The following CARMIL1 variants were observed in gnomAD, a reference collection of about 807,000 sequenced individuals.
CARMIL1 encodes F-actin-uncapping protein LRRC16A.
CARMIL1 carries 90 observed loss-of-function variants against 177.1 expected under a neutral mutation model. The observed-to-expected ratio is 0.51, with a 90% CI of 0.43 to 0.61. CARMIL1 has a LOEUF of 0.61. Among genes scored for constraint, CARMIL1 ranks in the 20% least tolerant of loss-of-function variants. The probability of loss-of-function intolerance (pLI) is 0.00; values close to 1 mark genes in which losing one functional copy is unlikely to be tolerated. For missense variants in CARMIL1, 1,380 were observed against 1,667.0 expected (o/e 0.83, Z 3.00); for synonymous variants, 577 against 606.2 (o/e 0.95, Z 0.71).
At chr6:25,361,181 C>T (rs1789156998) in intron 2 of CARMIL1, among the ~76,000 whole-genome samples, 1 of 152,040 alleles carries the variant, frequency 6.6e-6, no homozygotes. Flanking sequence ...TTTAAGAATA[C>T]TTTTTCTTAT....
intron 2 of CARMIL1, among the ~76,000 whole-genome samples, chr6:25,354,330 ATTTTTTTTTTTTTTT>A (rs67395838): frequency 1.2e-5 from 1 of 80,562 alleles, no homozygotes; most frequent in African/African-American, 4.8e-5. Flanking sequence ...GACTAATTAA[ATTTTTTTTTTTTTTT>A]TTTTTTTTTT....
At chr6:25,484,469 T>G (rs1350592198) in intron 12 of CARMIL1, among the ~76,000 whole-genome samples, 1 of 152,250 alleles carries the variant, frequency 6.6e-6, no homozygotes, top group African/African-American at 2.4e-5. Context: ...GAAAATAAAT[T>G]ACCAAAGGGA....
At chr6:25,350,113 T>A (rs1273691916) in intron 2 of CARMIL1, among the ~76,000 whole-genome samples, 10 of 152,186 alleles carry the variant, frequency 6.6e-5, no homozygotes, top group Admixed American at 5.2e-4. Flanking sequence ...CTGGCCTTTG[T>A]CTGCTCCTCT....
At chr6:25,484,070 C>T (rs1012339183) in intron 12 of CARMIL1, among the ~76,000 whole-genome samples, 11 of 152,258 alleles carry the variant, frequency 7.2e-5, no homozygotes, top group African/African-American at 2.2e-4. Context: ...TTCTATCTCA[C>T]TTTCTCTTTG....
chr6:25,507,010 G>A (rs1170328758), intron 17 of CARMIL1, among the ~76,000 whole-genome samples: 2 of 152,100 alleles, frequency 1.3e-5, no homozygotes, highest in South Asian at 2.1e-4. Flanking sequence ...TCTCTTGAAA[G>A]AAAGACGATT....
chr6:25,575,805 C>G (rs1562301080), intron 29 of CARMIL1, among the ~76,000 whole-genome samples: 1 of 152,056 alleles, frequency 6.6e-6, no homozygotes, highest in Non-Finnish European at 1.5e-5. Context: ...ATACTGGTGC[C>G]AATGATGGTG....
At chr6:25,549,877 A>T (rs1201768667) in intron 26 of CARMIL1, among the ~76,000 whole-genome samples, 1 of 152,220 alleles carries the variant, frequency 6.6e-6, no homozygotes, top group Non-Finnish European at 1.5e-5. Flanking sequence ...TGAGCTTTTA[A>T]TATCTGTGAT....
intron 2 of CARMIL1, among the ~76,000 whole-genome samples, chr6:25,350,994 A>T (rs1460283749): frequency 3.3e-5 from 5 of 152,346 alleles, no homozygotes; most frequent in African/African-American, 9.6e-5. Flanking sequence ...GTGTGTAAGC[A>T]TAGAAACGAG....
chr6:25,511,118 A>G (rs138830589), intron 20 of CARMIL1, among the ~76,000 whole-genome samples: 26 of 152,278 alleles, frequency 1.7e-4, no homozygotes, highest in African/African-American at 5.8e-4. Flanking sequence ...TTATGACCTT[A>G]TATAATGCTG....
At chr6:25,444,241 A>G (rs1274702667) in intron 5 of CARMIL1, among the ~76,000 whole-genome samples, 2 of 152,140 alleles carry the variant, frequency 1.3e-5, no homozygotes, top group Non-Finnish European at 2.9e-5. Flanking sequence ...AATTGGAGTC[A>G]ATTGTCTTCA....
chr6:25,451,619 C>T (rs934961442), intron 8 of CARMIL1, among the ~76,000 whole-genome samples: 9 of 152,222 alleles, frequency 5.9e-5, no homozygotes, highest in African/African-American at 1.7e-4. Flanking sequence ...CCCCATGTCT[C>T]TTAGCACAGC....
intron 23 of CARMIL1, among the ~76,000 whole-genome samples, chr6:25,526,702 G>A (rs531379639): frequency 6.6e-6 from 1 of 152,052 alleles, no homozygotes; most frequent in South Asian, 2.1e-4. Flanking sequence ...ACAGGAGTGA[G>A]CCATAATGCC....
intron 5 of CARMIL1, among the ~76,000 whole-genome samples, chr6:25,446,900 G>A (rs1798286968): frequency 6.6e-6 from 1 of 152,180 alleles, no homozygotes; most frequent in South Asian, 2.1e-4. Context: ...GAGAGACAGA[G>A]AGGAATGGTT....
chr6:25,462,974 A>G (rs1294778516), intron 8 of CARMIL1, among the ~76,000 whole-genome samples: 1 of 152,160 alleles, frequency 6.6e-6, no homozygotes, highest in East Asian at 1.9e-4. Context: ...TTTTTTTAAC[A>G]TAAGAAGCCT....
In CARMIL1 at chr6:25,413,275, G is replaced by A. The variant is rs6899863; in HGVS notation, c.139-6839G>A. Among the ~76,000 whole-genome samples, 1,416 of 152,290 alleles carry A rather than the reference G, an allele frequency of 9.3e-3. 19 individuals carry two copies. The highest frequency in any genetic ancestry group is 0.03 in the African/African-American group (1,229 of 41,548). ...ATTTAGTTTGCTTGCAAATTAGAGA[G>A]TGCTTCAAGGGTGTAAGACCATTTG... is the stretch of plus-strand genomic sequence containing the variant. On this transcript the variant is annotated intron_variant, in intron 2 of 36. Transcript: ENST00000329474.
chr6:25,290,563 T>C (rs1014334636), intron 2 of CARMIL1, among the ~76,000 whole-genome samples: 3 of 151,910 alleles, frequency 2.0e-5, no homozygotes, highest in African/African-American at 7.3e-5. Flanking sequence ...CCACTTTGGT[T>C]TCTTCTGTTT....
At chr6:25,312,085 A>G (rs534889613) in intron 2 of CARMIL1, among the ~76,000 whole-genome samples, 3 of 152,346 alleles carry the variant, frequency 2.0e-5, no homozygotes, top group South Asian at 4.1e-4. Flanking sequence ...GATTATATAC[A>G]TTCTAAATTA....
In CARMIL1 at chr6:25,370,765, A is replaced by G. The variant is rs144471862; in HGVS notation, c.139-49349A>G. 4.9e-3 allele frequency among the ~76,000 whole-genome samples: 742 copies of G among 152,198 alleles called. 6 individuals carry two copies. The highest frequency in any genetic ancestry group is 0.017 in the African/African-American group (701 of 41,532). On this transcript the variant is annotated intron_variant, in intron 2 of 36. Coordinates refer to ENST00000329474, the MANE Select transcript of CARMIL1 (RefSeq NM_017640.6). ...CATATTTTTTTTTTAGTTGATATATATATATGTAAAATTTCAATAGCTTTT... is the reference window on the plus strand; with the variant it reads ...CATATTTTTTTTTTAGTTGATATATGTATATGTAAAATTTCAATAGCTTTT...
intron 24 of CARMIL1, among the ~76,000 whole-genome samples, chr6:25,532,650 G>A (rs1807887387): frequency 6.6e-6 from 1 of 152,190 alleles, no homozygotes; most frequent in South Asian, 2.1e-4. Context: ...ATTAAAGAAT[G>A]TTTTAATGAA....
Sources: gnomAD v4.1 joint callset for allele counts (sites outside exome capture counted in the v4.1 genomes callset) on GRCh38, gnomAD v4.1.1 for gene constraint, MANE v1.5 for transcripts, NCBI Gene and HGNC (gene_info 2026-07-23, HGNC 2026-07-21) for gene names.